The following CTSA variants were observed in gnomAD, a reference collection of about 807,000 sequenced individuals.
CTSA encodes the protein cathepsin A.
CTSA carries 42 observed loss-of-function variants against 66.7 expected under a neutral mutation model. The observed-to-expected ratio is 0.63, with a 90% CI of 0.49 to 0.81. The LOEUF is 0.81. Ranked by LOEUF, CTSA falls within the 40% of genes least tolerant of loss-of-function variation. CTSA has a pLI of 0.00. For synonymous variants in CTSA, 225 were observed against 248.6 expected, an observed-to-expected ratio of 0.91 and a Z score of 0.89; for missense variants, 525 against 610.9, an observed-to-expected ratio of 0.86 and a Z score of 1.48.
At chr20:45,895,894 G>A (rs569729575) in intron 11 of CTSA, among the ~76,000 whole-genome samples, 2 of 152,272 alleles carry the variant, frequency 1.3e-5, no homozygotes, top group East Asian at 3.9e-4. Context: ...CATCACATTG[G>A]TTAATAACTA....
intron 9 of CTSA, 27 bp from the exon 10 acceptor site, chr20:45,894,796 C>T (rs1987152474): frequency 6.3e-7 from 1 of 1,576,374 alleles, no homozygotes; most frequent in East Asian, 2.3e-5. Flanking sequence ...GGAGGCTCCA[C>T]ACCCATTCCC....
rs374059459 is a variant in CTSA at position 45,895,054 on chromosome 20, G to A, written c.1009G>A (p.Ala337Thr). The stretch of plus-strand genomic sequence containing the variant: ...CCCCCCCTGCACCAACACAACAGCT[G>A]CTTCCACCTACCTCAACAACCCGTA... ...MDPPCTNTTA[A>T]STYLNNPYVR... is the part of the protein sequence containing the mutation. The change falls in exon 11 of 15, where the codon GCT becomes ACT. Residue 337 changes from alanine (A) to threonine (T), a missense_variant. Coordinates refer to ENST00000646241, the MANE Select transcript of CTSA (RefSeq NM_000308.4). 3 of 1,614,178 alleles carry A rather than the reference G, an allele frequency of 1.9e-6. No homozygotes were observed. Among genetic ancestry groups the A allele is most frequent in the Non-Finnish European group, 8.5e-7 (1 of 1,180,016 alleles).
chr20:45,897,598 C>T lies in CTSA; in HGVS notation c.1165-119C>T, dbSNP rs577568016. 5.0e-4 allele frequency: 364 copies of T among 730,734 alleles called. 7 individuals carry two copies. Among genetic ancestry groups the T allele is most frequent in the South Asian group, 4.4e-3 (304 of 68,980 alleles). The allele number at this position is 730,734 out of a possible 1,614,324, so 45.3% of individuals were successfully genotyped here. ...AAGTCGTTAGAAAACATGAAAATTC[C>T]CTGGTTCGTGTTATCTAGCTTGGCC... On this transcript the variant is annotated intron_variant, in intron 12 of 14. Transcript: ENST00000646241.
Position 45,897,792 on chromosome 20 carries a change from T to C in CTSA, c.1240T>C (p.Ser414Pro), listed in dbSNP as rs1437207057. 1 of 1,609,798 alleles carries C rather than the reference T, an allele frequency of 6.2e-7. No individual in the cohort carries two copies. The highest frequency in any genetic ancestry group is 1.3e-5 in the African/African-American group (1 of 74,830). ...CATGGGGGATGAGTGGTTTGTGGAT[T>C]CCCTCAACCAGAAGGTAAGGTAGAG... ...NFMGDEWFVDSLNQKMEVQRR... is the reference protein window; with the variant it reads ...NFMGDEWFVDPLNQKMEVQRR... The change falls in exon 13 of 15, where the codon TCC becomes CCC. Residue 414 changes from serine to proline, a missense_variant. Physicochemically the swap from Ser to Pro is moderately conservative, Grantham distance 74 (BLOSUM62 -1). Transcript: ENST00000646241.
rs1034687892 is a variant in CTSA, at chr20:45,893,222, G to A, written c.603G>A (p.Gly201=). Reference sequence around the variant, plus strand: ...TGAGCACCCTGGGTGTTTCACAGGGGCTGGCTGTGGGCAATGGACTCTCCT... The same window carrying A: ...TGAGCACCCTGGGTGTTTCACAGGGACTGGCTGTGGGCAATGGACTCTCCT... ...VMQDPSMNLQ[G]LAVGNGLSSY... The change falls in exon 7 of 15, where the codon GGG becomes GGA. Residue 201 remains glycine, a splice_region_variant and synonymous_variant. Coordinates refer to ENST00000646241, the MANE Select transcript of CTSA (RefSeq NM_000308.4). 2.5e-5 allele frequency: 41 copies of A among 1,613,818 alleles called. No individual in the cohort carries two copies. The Admixed American group carries it at 6.8e-4, about 27-fold the overall frequency.
chr20:45,892,225 C>A, intron 3 of CTSA, 48 bp from the exon 4 acceptor site: 1 of 1,602,406 alleles, frequency 6.2e-7, no homozygotes, highest in African/African-American at 1.3e-5. Context: ...CCTTTCCCTC[C>A]ACCCAGCTGG....
intron 11 of CTSA, among the ~76,000 whole-genome samples, chr20:45,895,937 G>A (rs901021776): frequency 6.6e-6 from 1 of 152,156 alleles, no homozygotes; most frequent in Admixed American, 6.5e-5. Flanking sequence ...GTTCACGCCT[G>A]TAATCCTAGC....
intron 6 of CTSA, 76 bp from the exon 7 acceptor site, chr20:45,893,144 A>G: frequency 7.6e-7 from 1 of 1,314,696 alleles, no homozygotes; most frequent in Non-Finnish European, 1.1e-6. Context: ...GGATTGCTGA[A>G]GGTCTGGGTG....
chr20:45,894,220 T>A, intron 8 of CTSA, 148 bp downstream of exon 8: 1 of 715,376 alleles, frequency 1.4e-6, no homozygotes, highest in Non-Finnish European at 2.5e-6. Context: ...GACATGTGTC[T>A]AAGTGTGTAT....
Position 45,892,482 on chromosome 20 carries a change from G to A in CTSA, c.442G>A (p.Glu148Lys), listed in dbSNP as rs548250078. The part of the protein sequence containing the change: ...DDKFYATNDT[E>K]VAQSNFEALQ... ...CAAGTTTTATGCAACTAATGACACT[G>A]AGGTGAGTCTGGTGCCTGCCCATCT... Residue 148 changes from glutamate to lysine, a missense_variant and splice_region_variant, in exon 5 of 15, where the codon GAG (glutamate) becomes AAG (lysine). Around this residue, in one of 3 missense-constraint regions of CTSA, gnomAD observed 246 missense variants for 267.4 expected, o/e 0.92. Coordinates refer to ENST00000646241, the MANE Select transcript of CTSA (RefSeq NM_000308.4). 1.2e-6 allele frequency: 2 copies of A among 1,614,034 alleles called. No individual in the cohort carries two copies. Among genetic ancestry groups the A allele is most frequent in the African/African-American group, 2.7e-5 (2 of 75,024 alleles).
Position 45,894,286 on chromosome 20 carries a change from C to A in CTSA, c.777+214C>A. ...CCATAACCTCCGTGAGGAGAAAGGA[C>A]TTCTTCACATTTATCAAACACCTGC... is the stretch of plus-strand genomic sequence containing the variant. On this transcript the variant is annotated intron_variant, in intron 8 of 14. Coordinates refer to ENST00000646241, the MANE Select transcript of CTSA (RefSeq NM_000308.4). 7.8e-6 allele frequency: 5 copies of A among 640,580 alleles called. No homozygotes were observed. In the South Asian group the frequency reaches 9.0e-5, roughly 12 times the overall value. 39.7% of individuals were successfully genotyped at this position (640,580 alleles called of 1,614,324 possible).
chr20:45,896,831 C>G (rs1315641167), intron 11 of CTSA, 134 bp from the exon 12 acceptor site: 7 of 785,836 alleles, frequency 8.9e-6, no homozygotes, highest in African/African-American at 5.1e-5. Context: ...GGTGGCCCCC[C>G]CCCAAAAAGG....
intron 12 of CTSA, chr20:45,897,392 C>T (rs2145823153): frequency 4.0e-6 from 2 of 497,912 alleles, no homozygotes; most frequent in African/African-American, 1.9e-5. Flanking sequence ...TTCTGTCCAG[C>T]ACAGTGGTTA....
chr20:45,892,666 C>G, intron 5 of CTSA, 59 bp from the exon 6 acceptor site: 1 of 1,608,210 alleles, frequency 6.2e-7, no homozygotes, highest in Non-Finnish European at 8.5e-7. Flanking sequence ...CTCTGAAGTT[C>G]TTTCCAGTTC....
chr20:45,892,492 TG>T lies in CTSA; in HGVS notation c.444+10del, dbSNP rs748322759. On this transcript the variant is annotated intron_variant, in intron 5 of 14. Transcript: ENST00000646241. ...GCAACTAATGACACTGAGGTGAGTC[TG>T]GTGCCTGCCCATCTGCCCCAGGCTC... 6.8e-6 allele frequency: 11 copies of T among 1,613,644 alleles called. No homozygotes were observed. The South Asian group carries it at 1.2e-4, about 18-fold the overall frequency.
At chr20:45,892,145 TATGCC>T (rs1408867495) in intron 3 of CTSA, 118 bp downstream of exon 3, 7 of 1,422,084 alleles carry the variant, frequency 4.9e-6, no homozygotes, top group Non-Finnish European at 7.0e-6. Flanking sequence ...GATTTTCCTC[TATGCC>T]ATTGGCTTTG....
At chr20:45,893,190 C>A in intron 6 of CTSA, 30 bp from the exon 7 acceptor site, 1 of 1,587,204 alleles carries the variant, frequency 6.3e-7, no homozygotes. Context: ...TTGCCCTCCA[C>A]ATGAGCTGAG....
In CTSA at chr20:45,891,403, G is replaced by A. The variant is rs1447050302; in HGVS notation, c.-1+24G>A. ...AGGTGAGCTGGCACCGGAGGCTGGA[G>A]GGGATCCCCGAGCCCGGGATCGGTG... On this transcript the variant is annotated intron_variant, in intron 1 of 14. Transcript: ENST00000646241. This position sits in a 1 kb window ranked among gnomAD's most constrained non-coding sequence, Gnocchi z 4.6. The A allele has an allele frequency of 6.4e-7, 1 of 1,562,028 alleles. No individual in the cohort carries two copies. The highest frequency in any genetic ancestry group is 8.7e-7 in the Non-Finnish European group (1 of 1,154,038).
rs1302395606 is a variant in CTSA, at chr20:45,894,725, G to T, written c.853G>T (p.Val285Leu). Residue 285 changes from valine to leucine, a missense_variant, in exon 9 of 15, where the codon GTG becomes TTG. Transcript: ENST00000646241. ...TCTCTATGCCCCGTGTGCTGGAGGG[G>T]TGCCCAGCCATTTTAGGTAGGTGCT... ...YNLYAPCAGG[V>L]PSHFRYEKDT... 2 of 1,614,122 alleles carry T rather than the reference G, an allele frequency of 1.2e-6. No individual in the cohort carries two copies. The highest frequency in any genetic ancestry group is 1.7e-6 in the Non-Finnish European group (2 of 1,180,012).
Sources: gnomAD v4.1 joint callset for allele counts (sites outside exome capture counted in the v4.1 genomes callset) on GRCh38, gnomAD v4.1.1 for gene constraint, gnomAD v4.1.1 regional missense constraint, Gnocchi (gnomAD v3.1) non-coding constraint, MANE v1.5 for transcripts, NCBI Gene and HGNC (gene_info 2026-07-23, HGNC 2026-07-21) for gene names.